The following PRKN variants were observed in gnomAD, a reference collection of about 807,000 sequenced individuals.
PRKN encodes the protein E3 ubiquitin-protein ligase parkin.
PRKN carries 56 observed loss-of-function variants against 59.5 expected under a neutral mutation model. The ratio of observed to expected loss-of-function variants is 0.94; its 90% CI spans 0.76 to 1.18. PRKN has a LOEUF of 1.18. Ranked by LOEUF, PRKN falls within the 50% of genes most tolerant of loss-of-function variation. PRKN has a pLI of 0.00. For missense variants in PRKN, 657 were observed against 596.4 expected (o/e 1.10, Z -1.06); for synonymous variants, 250 against 222.1 (o/e 1.13, Z -1.12).
At chr6:162,178,879 G>A (rs1783656525) in intron 4 of PRKN, among the ~76,000 whole-genome samples, 1 of 152,096 alleles carries the variant, frequency 6.6e-6, no homozygotes, top group Non-Finnish European at 1.5e-5. Context: ...TTGTTTGCTT[G>A]TTTGTTTTGA....
intron 4 of PRKN, among the ~76,000 whole-genome samples, chr6:162,194,576 G>T (rs376828191): frequency 2.0e-5 from 3 of 152,106 alleles, no homozygotes; most frequent in East Asian, 3.9e-4. Context: ...TCTTTAAGGA[G>T]ACCCCTTTAC....
At chr6:161,706,316 T>C (rs534501816) in intron 7 of PRKN, among the ~76,000 whole-genome samples, 2 of 152,310 alleles carry the variant, frequency 1.3e-5, no homozygotes, top group South Asian at 4.1e-4. Flanking sequence ...TTTCAGGACC[T>C]AGCTCAGGAG....
intron 1 of PRKN, among the ~76,000 whole-genome samples, chr6:162,648,960 C>T (rs1039098344): frequency 6.6e-6 from 1 of 152,020 alleles, no homozygotes; most frequent in African/African-American, 2.4e-5. Context: ...GTCATATGAG[C>T]AAAAACCACG....
chr6:162,082,302 A>G (rs188983072), intron 4 of PRKN, among the ~76,000 whole-genome samples: 1 of 152,124 alleles, frequency 6.6e-6, no homozygotes, highest in East Asian at 1.9e-4. Context: ...CATGATTATG[A>G]GGCCTCCCCA....
At chr6:162,665,184 G>A (rs1393338605) in intron 1 of PRKN, among the ~76,000 whole-genome samples, 2 of 152,018 alleles carry the variant, frequency 1.3e-5, no homozygotes, top group East Asian at 1.9e-4. Flanking sequence ...TCTGGCCAGG[G>A]CAATCAGGCA....
intron 5 of PRKN, among the ~76,000 whole-genome samples, chr6:162,009,803 G>T (rs1162338926): frequency 6.6e-6 from 1 of 151,674 alleles, no homozygotes; most frequent in Non-Finnish European, 1.5e-5. Context: ...GGGCATGGTG[G>T]CAGGCACCTG....
chr6:162,107,846 A>C (rs559640178), intron 4 of PRKN, among the ~76,000 whole-genome samples: 1 of 152,276 alleles, frequency 6.6e-6, no homozygotes, highest in African/African-American at 2.4e-5. Context: ...TCTTACTCCC[A>C]AGTTTGTCAA....
intron 2 of PRKN, among the ~76,000 whole-genome samples, chr6:162,266,854 T>G (rs1046758208): frequency 6.6e-6 from 1 of 152,170 alleles, no homozygotes. Flanking sequence ...TGTACATGAA[T>G]AAGGTGTCAG....
At chr6:162,246,150 C>A (rs1283702180) in intron 3 of PRKN, among the ~76,000 whole-genome samples, 2 of 152,060 alleles carry the variant, frequency 1.3e-5, no homozygotes, top group Admixed American at 6.6e-5. Flanking sequence ...CGTCAAAATT[C>A]CTATGTTGAA....
At chr6:162,695,867 T>C (rs938109402) in intron 1 of PRKN, among the ~76,000 whole-genome samples, 3 of 152,156 alleles carry the variant, frequency 2.0e-5, no homozygotes, top group African/African-American at 7.2e-5. Flanking sequence ...CTTAAGTACA[T>C]AGAGTTTGGA....
chr6:161,970,071 T>C (rs1197339584), intron 6 of PRKN, among the ~76,000 whole-genome samples: 1 of 152,146 alleles, frequency 6.6e-6, no homozygotes, highest in Non-Finnish European at 1.5e-5. Context: ...TGAGACAGGG[T>C]CTCACTTTGT....
chr6:162,576,807 C>T (rs1013960033), intron 1 of PRKN, among the ~76,000 whole-genome samples: 3 of 89,900 alleles, frequency 3.3e-5, no homozygotes, highest in South Asian at 3.6e-4. Flanking sequence ...AGTGAGACTC[C>T]GTCAAAAAAA....
intron 2 of PRKN, among the ~76,000 whole-genome samples, chr6:162,414,724 A>AG (rs1788534404): frequency 9.2e-6 from 1 of 108,946 alleles, no homozygotes; most frequent in African/African-American, 4.4e-5. Context: ...AAAAAAAAAA[A>AG]AAAGTGAATC....
intron 3 of PRKN, among the ~76,000 whole-genome samples, chr6:162,209,170 G>A (rs972148800): frequency 2.0e-5 from 3 of 152,084 alleles, no homozygotes; most frequent in Non-Finnish European, 4.4e-5. Flanking sequence ...CCTACAGAAT[G>A]GGAGAAAATT....
At chr6:162,021,139 T>C (rs1562465372) in intron 5 of PRKN, among the ~76,000 whole-genome samples, 2 of 5,312 alleles carry the variant, frequency 3.8e-4, no homozygotes, top group South Asian at 5.6e-3. Context: ...TATATATATA[T>C]ATATATATAT....
chr6:162,671,558 G>A (rs1385830086), intron 1 of PRKN, among the ~76,000 whole-genome samples: 1 of 150,562 alleles, frequency 6.6e-6, no homozygotes, highest in Non-Finnish European at 1.5e-5. Context: ...CATCCCTCAG[G>A]GCTACAAATT....
intron 2 of PRKN, among the ~76,000 whole-genome samples, chr6:162,401,351 C>T (rs1182816701): frequency 2.6e-5 from 4 of 151,336 alleles, no homozygotes; most frequent in Non-Finnish European, 5.9e-5. Context: ...GTTTATATCA[C>T]CATAAATTCA....
intron 6 of PRKN, among the ~76,000 whole-genome samples, chr6:161,793,296 G>A (rs2128208539): frequency 6.6e-6 from 1 of 152,222 alleles, no homozygotes; most frequent in South Asian, 2.1e-4. Flanking sequence ...GGCAGATCCT[G>A]AATCAGCTCA....
intron 1 of PRKN, among the ~76,000 whole-genome samples, chr6:162,506,251 CAAAAAAAAAA>C (rs10528135): frequency 8.4e-4 from 80 of 95,342 alleles, no homozygotes; most frequent in African/African-American, 3.2e-3. Flanking sequence ...AAAGAGGAAG[CAAAAAAAAAA>C]AAAAAAAAAA....
Sources: allele counts gnomAD v4.1 joint callset (sites outside exome capture counted in the v4.1 genomes callset), GRCh38; gene constraint gnomAD v4.1.1; transcripts MANE v1.5; gene names NCBI Gene and HGNC (gene_info 2026-07-23, HGNC 2026-07-21).